Variants in MPHOSPH9 observed in about 807,000 individuals in gnomAD.
The protein encoded by MPHOSPH9 is M-phase phosphoprotein 9.
In MPHOSPH9, 88 loss-of-function variants were observed where a neutral mutation model predicts 145.5. The observed-to-expected ratio is 0.60, with a 90% CI of 0.51 to 0.72. The LOEUF (loss-of-function observed/expected upper bound fraction) is 0.72, where lower values mean the gene tolerates loss of function less well. Among genes scored for constraint, MPHOSPH9 ranks in the 30% least tolerant of loss-of-function variants. The pLI is 0.00. For synonymous variants in MPHOSPH9, 435 were observed against 486.2 expected (o/e 0.89, Z 1.39); for missense variants, 1,238 against 1,386.6 (o/e 0.89, Z 1.70).
intron 1 of MPHOSPH9, 149 bp from the exon 2 acceptor site, chr12:123,230,671 C>T (rs2081055928): frequency 1.8e-5 from 4 of 220,970 alleles, no homozygotes; most frequent in Non-Finnish European, 3.6e-5. Flanking sequence ...ATGTAGAAAC[C>T]ACCCAAATGT....
In MPHOSPH9 at chr12:123,163,015, GA is replaced by G; in HGVS notation, c.3027del (p.Arg1010AspfsTer9). On this transcript the variant is annotated frameshift_variant and splice_region_variant, in exon 20 of 24. Transcript: ENST00000606320. LOFTEE classifies it high-confidence loss of function. The stretch of plus-strand genomic sequence containing the variant: ...ATTCTACAATTTTAGAGAACTTACC[GA>G]ATTGGACTGCTCTCATTTTTGCTAA... ...HLLSKNESSPIRFDILLDDLD... is the reference protein window; with the variant it reads ...HLLSKNESSPXRFDILLDDLD... The G allele has an allele frequency of 6.4e-7, 1 of 1,553,008 alleles. No homozygotes were observed. The highest frequency in any genetic ancestry group is 8.6e-7 in the Non-Finnish European group (1 of 1,160,290).
chr12:123,158,120 G>A (rs1029999790), intron 23 of MPHOSPH9, among the ~76,000 whole-genome samples: 1 of 152,006 alleles, frequency 6.6e-6, no homozygotes, highest in African/African-American at 2.4e-5. Flanking sequence ...CTCAAAAGTA[G>A]CTGGGATTAC....
At chr12:123,227,376 C>T (rs1457309621) in intron 3 of MPHOSPH9, 87 bp downstream of exon 3, 6 of 1,036,282 alleles carry the variant, frequency 5.8e-6, no homozygotes, top group Non-Finnish European at 7.9e-6. Flanking sequence ...CTCTTCAGGA[C>T]ATAAATTTCT....
intron 6 of MPHOSPH9, 139 bp from the exon 7 acceptor site, chr12:123,214,973 A>G (rs1727322): frequency 0.82 from 556,500 of 679,964 alleles, 229,335 homozygotes; most frequent in East Asian, 1. Flanking sequence ...GCCAGGCGTG[A>G]TAGCTCACGC....
upstream of MPHOSPH9, among the ~76,000 whole-genome samples, chr12:123,236,722 T>G (rs1406933997): frequency 6.6e-6 from 1 of 152,228 alleles, no homozygotes; most frequent in Non-Finnish European, 1.5e-5. Flanking sequence ...TTGTTATTCC[T>G]GCTTTTTTAA....
chr12:123,181,956 C>A (rs911311733), intron 13 of MPHOSPH9, among the ~76,000 whole-genome samples: 2 of 146,542 alleles, frequency 1.4e-5, no homozygotes, highest in African/African-American at 2.5e-5. Flanking sequence ...GGAACTATTA[C>A]TTTTTTTTTT....
chr12:123,208,454 T>C (rs1394008113), intron 8 of MPHOSPH9, among the ~76,000 whole-genome samples: 2 of 150,200 alleles, frequency 1.3e-5, no homozygotes, highest in East Asian at 3.9e-4. Flanking sequence ...GGATAATCAC[T>C]TGAACCCGGG....
intron 1 of MPHOSPH9, among the ~76,000 whole-genome samples, chr12:123,243,624 G>A (rs2047984329): frequency 6.6e-6 from 1 of 152,054 alleles, no homozygotes; most frequent in Non-Finnish European, 1.5e-5. Flanking sequence ...AGAATCACTT[G>A]AACCCAGGAG....
At chr12:123,226,991 C>G (rs2047463122) in intron 3 of MPHOSPH9, among the ~76,000 whole-genome samples, 1 of 151,970 alleles carries the variant, frequency 6.6e-6, no homozygotes, top group Admixed American at 6.6e-5. Flanking sequence ...ACCTATGAAC[C>G]AAAGAAAGAA....
At chr12:123,224,117 T>C (rs1439767777) in intron 3 of MPHOSPH9, among the ~76,000 whole-genome samples, 2 of 139,076 alleles carry the variant, frequency 1.4e-5, no homozygotes, top group African/African-American at 2.6e-5. Flanking sequence ...AATTTATATA[T>C]ATATATATAC....
rs952619315 is a variant in MPHOSPH9 at position 123,169,167 on chromosome 12, G to A, written c.2457-2378C>T. Among the ~76,000 whole-genome samples the A allele has an allele frequency of 6.6e-5, 10 of 151,618 alleles. No individual in the cohort carries two copies. In the South Asian group the frequency reaches 1.2e-3, roughly 19 times the overall value. ...CTCCCAAAGTGCTGGGATTACAGGC[G>A]TGAGCCACTGCGCCCGGCCCAGTTT... On this transcript the variant is annotated intron_variant, in intron 16 of 23. Transcript: ENST00000606320.
intron 16 of MPHOSPH9, among the ~76,000 whole-genome samples, chr12:123,176,455 G>T (rs188877908): frequency 1.0e-3 from 157 of 152,258 alleles, no homozygotes; most frequent in African/African-American, 3.7e-3. Context: ...ACACAGCTGG[G>T]CAAAGAACAA....
intron 2 of MPHOSPH9, among the ~76,000 whole-genome samples, chr12:123,229,678 A>G (rs1479579744): frequency 1.3e-5 from 2 of 152,216 alleles, no homozygotes; most frequent in Non-Finnish European, 2.9e-5. Flanking sequence ...ACCAAAAACA[A>G]ACAAAAAAGT....
intron 20 of MPHOSPH9, 24 bp from the exon 21 acceptor site, chr12:123,162,242 G>T: frequency 7.5e-7 from 1 of 1,327,508 alleles, no homozygotes. Flanking sequence ...CAAGTTACTT[G>T]TGAGAAAAAA....
chr12:123,173,931 G>A (rs1356132069), intron 16 of MPHOSPH9, among the ~76,000 whole-genome samples: 2 of 152,298 alleles, frequency 1.3e-5, no homozygotes, highest in African/African-American at 4.8e-5. Context: ...TTGGTTAGAC[G>A]TTTTGGAGGC....
chr12:123,153,736 C>G (rs953745460), downstream of MPHOSPH9, among the ~76,000 whole-genome samples: 1 of 130,612 alleles, frequency 7.7e-6, no homozygotes, highest in Admixed American at 8.4e-5. Flanking sequence ...GCACTCCAGC[C>G]TGGGCAACAG....
rs1046617219 is a variant in MPHOSPH9 at position 123,184,486 on chromosome 12, C to T, written c.2242-3276G>A. On this transcript the variant is annotated intron_variant, in intron 13 of 23. Transcript: ENST00000606320. ...CTTTCAATAGCTTTTTATACTGCTT[C>T]GCTTTAATTTAATTTTTTTTTTTTT... is the stretch of plus-strand genomic sequence containing the variant. 3.8e-5 allele frequency among the ~76,000 whole-genome samples: 5 copies of T among 131,122 alleles called. No individual in the cohort carries two copies. The East Asian group carries it at 9.8e-4, about 26-fold the overall frequency. The allele number at this position is 131,122 out of a possible 152,430, so 86.0% of individuals were successfully genotyped here. A position where few individuals can be genotyped will look rare whatever the true frequency, so the allele number is the denominator to read the frequency against.
Position 123,230,651 on chromosome 12 carries a change from A to T in MPHOSPH9, c.-158-129T>A. ...CATTAAGGATAGCAACAGTATTCAT[A>T]ATAATCAAAATGTAGAAACCACCCA... is the stretch of plus-strand genomic sequence containing the variant. On this transcript the variant is annotated intron_variant, in intron 1 of 23. Transcript: ENST00000606320. 2 of 233,544 alleles carry T rather than the reference A, an allele frequency of 8.6e-6. 1 individual carries two copies. Among genetic ancestry groups the T allele is most frequent in the South Asian group, 1.9e-4 (2 of 10,448 alleles). The allele number at this position is 233,544 out of a possible 1,614,324, so 14.5% of individuals were successfully genotyped here.
intron 1 of MPHOSPH9, among the ~76,000 whole-genome samples, chr12:123,239,952 G>A (rs983707727): frequency 6.6e-6 from 1 of 152,060 alleles, no homozygotes; most frequent in Non-Finnish European, 1.5e-5. Context: ...ATCTCATCAA[G>A]CAATGAACAG....
Sources: allele counts gnomAD v4.1 joint callset (sites outside exome capture counted in the v4.1 genomes callset), GRCh38; gene constraint gnomAD v4.1.1; transcripts MANE v1.5; gene names NCBI Gene and HGNC (gene_info 2026-07-23, HGNC 2026-07-21).